The following TBL1X variants were observed in gnomAD, a reference collection of about 807,000 sequenced individuals.
TBL1X encodes the protein F-box-like/WD repeat-containing protein TBL1X.
In TBL1X, 10 loss-of-function variants were observed where a neutral mutation model predicts 50.7. The ratio of observed to expected loss-of-function variants is 0.20; its 90% CI spans 0.12 to 0.33. The LOEUF (loss-of-function observed/expected upper bound fraction) is 0.33, where lower values mean the gene tolerates loss of function less well. Ranked by LOEUF, TBL1X falls within the 10% of genes least tolerant of loss-of-function variation. The probability of loss-of-function intolerance (pLI) is 1.00; values close to 1 mark genes in which losing one functional copy is unlikely to be tolerated. For synonymous variants in TBL1X, 190 were observed against 214.7 expected (o/e 0.88, Z 1.01); for missense variants, 340 against 504.4 (o/e 0.67, Z 3.12).
chrX:9,565,232 A>G (rs1177138191), intron 2 of TBL1X, among the ~76,000 whole-genome samples: 1 of 90,518 alleles, frequency 1.1e-5, no homozygotes, highest in African/African-American at 4.2e-5. Context: ...AGATGGCGCC[A>G]CTGCACTCCA....
chrX:9,637,527 A>G (rs1436093192), intron 2 of TBL1X: 1 of 112,069 alleles, frequency 8.9e-6, no homozygotes, highest in Non-Finnish European at 1.9e-5. Flanking sequence ...GACTGTAGAA[A>G]TGAACTTGAA....
chrX:9,706,264 A>G, intron 13 of TBL1X, among the ~76,000 whole-genome samples: 1 of 111,312 alleles, frequency 9.0e-6, no homozygotes, highest in East Asian at 2.8e-4. Flanking sequence ...TGAAGAACAG[A>G]TAAAAGATCG....
At chrX:9,555,184 TCCCACCTCAGCCTCCC>T (rs2082290373) in intron 2 of TBL1X, among the ~76,000 whole-genome samples, 1 of 111,126 alleles carries the variant, frequency 9.0e-6, no homozygotes, top group Non-Finnish European at 1.9e-5. Context: ...CAATCAGTCC[TCCCACCTCAGCCTCCC>T]AAATAGCTGG....
rs921626115 is a variant in TBL1X, at chrX:9,709,662, C to A, written c.1341C>A (p.Ile447=). 2.5e-6 allele frequency: 3 copies of A among 1,203,306 alleles called. No homozygotes were observed. The African/African-American group carries it at 5.4e-5, about 22-fold the overall frequency. ...GGAGCATGAAACAGGAGGTGTGCAT[C>A]CATGATCTTCAGGCTCACAATAAAG... ...KIWSMKQEVC[I]HDLQAHNKEI... is the part of the protein sequence containing the mutation. Residue 447 remains isoleucine, a synonymous_variant, in exon 15 of 18, where the codon ATC becomes ATA. Coordinates refer to ENST00000645353, the MANE Select transcript of TBL1X (RefSeq NM_005647.4).
intron 2 of TBL1X, among the ~76,000 whole-genome samples, chrX:9,503,346 C>T (rs1212277910): frequency 8.9e-6 from 1 of 112,979 alleles, no homozygotes; most frequent in African/African-American, 3.2e-5. Flanking sequence ...ACCAGGGCCT[C>T]GTGTCCCAGC....
At position 9,542,779 on chromosome X, in the gene TBL1X, T is replaced by G. The variant is rs185759278; in HGVS notation, c.-131+40930T>G. ...GACTGTATTCTCCACGACTGTATAT[T>G]TTTTGTTGTTCATAAGAGCCCCGAA... On this transcript the variant is annotated intron_variant, in intron 2 of 17. Transcript: ENST00000645353. Among the ~76,000 whole-genome samples the G allele has an allele frequency of 7.1e-5, 8 of 111,950 alleles. No individual in the cohort carries two copies. In the East Asian group the frequency reaches 2.3e-3, roughly 31 times the overall value.
chrX:9,676,325 A>T (rs1344747805), intron 5 of TBL1X, among the ~76,000 whole-genome samples: 1 of 111,554 alleles, frequency 9.0e-6, no homozygotes, highest in Non-Finnish European at 1.9e-5. Flanking sequence ...CCCCTACCCT[A>T]GCCGAGGCCC....
At chrX:9,631,794 T>C (rs923732735) in intron 2 of TBL1X, among the ~76,000 whole-genome samples, 6 of 113,105 alleles carry the variant, frequency 5.3e-5, no homozygotes, top group Admixed American at 1.9e-4. Flanking sequence ...TTACTATTTC[T>C]GCCACTTATC....
chrX:9,512,516 T>C (rs1308502536), intron 2 of TBL1X, among the ~76,000 whole-genome samples: 2 of 109,488 alleles, frequency 1.8e-5, no homozygotes, highest in African/African-American at 3.3e-5. Flanking sequence ...GTTTTTTGGT[T>C]TTTTTTTGGG....
chrX:9,488,724 T>A (rs1215808401), intron 1 of TBL1X, among the ~76,000 whole-genome samples: 4 of 111,915 alleles, frequency 3.6e-5, no homozygotes, highest in African/African-American at 1.3e-4. Flanking sequence ...CTTAATTTGC[T>A]CCTCTGAAGC....
chrX:9,570,221 A>C (rs1235823318), intron 2 of TBL1X, among the ~76,000 whole-genome samples: 1 of 112,121 alleles, frequency 8.9e-6, no homozygotes, highest in East Asian at 2.8e-4. Flanking sequence ...ACATTTATTC[A>C]ACGTTCTTTT....
chrX:9,534,788 G>C (rs1309871413), intron 2 of TBL1X: 2 of 111,011 alleles, frequency 1.8e-5, no homozygotes, highest in African/African-American at 3.3e-5. Flanking sequence ...CCCCCTCTCT[G>C]AGTGTAGGCA....
chrX:9,496,045 A>G (rs895854581), intron 1 of TBL1X, among the ~76,000 whole-genome samples: 1 of 112,747 alleles, frequency 8.9e-6, no homozygotes, highest in African/African-American at 3.2e-5. Flanking sequence ...CTGTGTGTGT[A>G]TACATAGTGT....
chrX:9,679,679 C>G (rs1214121584), intron 5 of TBL1X, among the ~76,000 whole-genome samples: 2 of 111,969 alleles, frequency 1.8e-5, no homozygotes, highest in African/African-American at 6.5e-5. Context: ...GAGATGTGTT[C>G]AGAGATGCGG....
chrX:9,685,302 A>G (rs753160123), intron 6 of TBL1X, among the ~76,000 whole-genome samples: 52 of 111,578 alleles, frequency 4.7e-4, no homozygotes, highest in African/African-American at 1.6e-3. Context: ...TCCCTATTTT[A>G]TTTTTAGAGA....
chrX:9,542,271 C>T (rs2082218582), intron 2 of TBL1X, among the ~76,000 whole-genome samples: 1 of 111,275 alleles, frequency 9.0e-6, no homozygotes, highest in African/African-American at 3.3e-5. Context: ...ACCCTCAGGC[C>T]GCCCCTATCA....
chrX:9,479,795 C>T lies in TBL1X; in HGVS notation c.-201+14348C>T, dbSNP rs955711475. On this transcript the variant is annotated intron_variant, in intron 1 of 17. Coordinates refer to ENST00000645353, the MANE Select transcript of TBL1X (RefSeq NM_005647.4). ...GCTAGGCTGGGAAGAATCATGGGTT[C>T]TGTAGTTTTATACATGGTTAAAATT... is the stretch of plus-strand genomic sequence containing the variant. Among the ~76,000 whole-genome samples the T allele has an allele frequency of 2.7e-5, 3 of 111,838 alleles. 1 individual carries two copies. Among genetic ancestry groups the T allele is most frequent in the Non-Finnish European group, 5.6e-5 (3 of 53,238 alleles).
At chrX:9,517,175 G>A (rs986867591) in intron 2 of TBL1X, among the ~76,000 whole-genome samples, 5 of 111,355 alleles carry the variant, frequency 4.5e-5, no homozygotes, top group Admixed American at 2.9e-4. Context: ...CTGCAGGAAC[G>A]AGTTTCTTGC....
At chrX:9,487,196 A>G (rs1384584842) in intron 1 of TBL1X, among the ~76,000 whole-genome samples, 2 of 111,650 alleles carry the variant, frequency 1.8e-5, no homozygotes, top group Non-Finnish European at 3.8e-5. Flanking sequence ...GTAATTCAGG[A>G]ATTTCCTAGT....
Sources: gnomAD v4.1 joint callset for allele counts (sites outside exome capture counted in the v4.1 genomes callset) on GRCh38, gnomAD v4.1.1 for gene constraint, MANE v1.5 for transcripts, NCBI Gene and HGNC (gene_info 2026-07-23, HGNC 2026-07-21) for gene names.